Variants in ITPR2 observed in about 807,000 individuals in gnomAD.
ITPR2 encodes inositol 1,4,5-trisphosphate-gated calcium channel ITPR2.
In ITPR2, 207 loss-of-function variants were observed where a neutral mutation model predicts 317.1. The observed-to-expected ratio is 0.65, with a 90% CI of 0.58 to 0.73. ITPR2 has a LOEUF of 0.73. Among genes scored for constraint, ITPR2 ranks in the 30% least tolerant of loss-of-function variants. The pLI, the probability that ITPR2 is intolerant of heterozygous loss-of-function variation, is 0.00. For missense variants in ITPR2, 2,613 were observed against 3,284.0 expected (o/e 0.80, Z 4.99); for synonymous variants, 1,156 against 1,149.1 (o/e 1.01, Z -0.12).
intron 55 of ITPR2, among the ~76,000 whole-genome samples, chr12:26,352,124 G>T (rs1244193581): frequency 6.6e-6 from 1 of 152,240 alleles, no homozygotes; most frequent in Non-Finnish European, 1.5e-5. Flanking sequence ...TTCTGTGACA[G>T]AAGCTGAAAA....
At chr12:26,656,248 G>C in intron 19 of ITPR2, 49 bp downstream of exon 19, 1 of 1,601,066 alleles carries the variant, frequency 6.2e-7, no homozygotes, top group Non-Finnish European at 8.5e-7. Flanking sequence ...ATTTGACGTG[G>C]AGTTCATCTG....
chr12:26,687,638 C>A (rs1948154450), intron 10 of ITPR2, among the ~76,000 whole-genome samples: 1 of 152,144 alleles, frequency 6.6e-6, no homozygotes, highest in African/African-American at 2.4e-5. Flanking sequence ...TTGTTAATAT[C>A]ATTTTACTTG....
chr12:26,774,830 A>G (rs886468480), intron 2 of ITPR2, among the ~76,000 whole-genome samples: 2 of 152,198 alleles, frequency 1.3e-5, no homozygotes, highest in Non-Finnish European at 2.9e-5. Context: ...AAACAGCAGG[A>G]ACAGTGCAGA....
At chr12:26,445,864 T>C (rs546973904) in intron 45 of ITPR2, among the ~76,000 whole-genome samples, 31 of 152,274 alleles carry the variant, frequency 2.0e-4, no homozygotes, top group African/African-American at 7.2e-4. Context: ...GGTGGATTTT[T>C]TAAATACGGA....
intron 40 of ITPR2, 79 bp from the exon 41 acceptor site, chr12:26,486,439 C>A: frequency 2.7e-6 from 3 of 1,104,430 alleles, no homozygotes; most frequent in South Asian, 1.6e-5. Context: ...AACCAGGTAC[C>A]CAAATTCTCT....
At chr12:26,715,888 C>A in intron 6 of ITPR2, 53 bp from the exon 7 acceptor site, 1 of 1,252,364 alleles carries the variant, frequency 8.0e-7, no homozygotes, top group South Asian at 1.2e-5. Context: ...CATTCTCTAC[C>A]AGAAATTATT....
chr12:26,657,993 T>C lies in ITPR2; in HGVS notation c.2006+18A>G, dbSNP rs530297116. 1.9e-6 allele frequency: 3 copies of C among 1,605,014 alleles called. No individual in the cohort carries two copies. Among genetic ancestry groups the C allele is most frequent in the Non-Finnish European group, 2.6e-6 (3 of 1,175,344 alleles). On this transcript the variant is annotated intron_variant, in intron 17 of 56. Coordinates refer to ENST00000381340, the MANE Select transcript of ITPR2 (RefSeq NM_002223.4). ...AAATAATCAACAGGAAAATGATGCA[T>C]CCATTATCTGGGCTTACTTAGTTTG...
intron 39 of ITPR2, among the ~76,000 whole-genome samples, chr12:26,492,950 T>A (rs1942846113): frequency 6.7e-6 from 1 of 149,592 alleles, no homozygotes; most frequent in African/African-American, 2.5e-5. Context: ...TATAAAAGCA[T>A]CAGATTGTAC....
At chr12:26,560,683 T>C (rs1169156789) in intron 35 of ITPR2, among the ~76,000 whole-genome samples, 1 of 152,188 alleles carries the variant, frequency 6.6e-6, no homozygotes, top group East Asian at 1.9e-4. Context: ...TAGTCTCTTT[T>C]AGATAACCCT....
chr12:26,400,257 A>C lies in ITPR2; in HGVS notation c.7401T>G (p.Ala2467=), dbSNP rs376541857. Residue 2467 remains alanine (A), a splice_region_variant and synonymous_variant, in exon 53 of 57, where the codon GCT becomes GCG. Transcript: ENST00000381340. ...CAATTCCATCTTCATACTCTTCATC[A>C]GCTATAAAAACACATACAAATATAT... ...CSPTIPASNT[A]DEEYEDGIER... The C allele has an allele frequency of 4.3e-5, 66 of 1,532,654 alleles. No homozygotes were observed. The Middle Eastern group carries it at 1.4e-3, about 32-fold the overall frequency. 94.9% of individuals were successfully genotyped at this position (1,532,654 alleles called of 1,614,324 possible).
At chr12:26,526,471 G>A (rs2136950276) in intron 37 of ITPR2, among the ~76,000 whole-genome samples, 1 of 152,296 alleles carries the variant, frequency 6.6e-6, no homozygotes, top group South Asian at 2.1e-4. Context: ...TAAAATAAGG[G>A]AAAGAGGTTG....
At position 26,656,405 on chromosome 12, in the gene ITPR2, C is replaced by G; in HGVS notation, c.2336G>C (p.Cys779Ser). The change falls in exon 19 of 57, where the codon TGT (cysteine) becomes TCT (serine). Residue 779 changes from cysteine to serine, a missense_variant. By Grantham distance (112) the Cys-to-Ser change is moderately radical (BLOSUM62 -1). Transcript: ENST00000381340. ...SLPFDLRASF[C>S]RLMLHMHVDR... ...AACGTGCATGTGGAGCATGAGGCGACAGAAGGACGCTCGGAGGTCGAACGG... is the reference window on the plus strand; with the variant it reads ...AACGTGCATGTGGAGCATGAGGCGAGAGAAGGACGCTCGGAGGTCGAACGG... 1 of 1,614,190 alleles carries G rather than the reference C, an allele frequency of 6.2e-7. No homozygotes were observed. The highest frequency in any genetic ancestry group is 8.5e-7 in the Non-Finnish European group (1 of 1,180,040).
intron 52 of ITPR2, among the ~76,000 whole-genome samples, chr12:26,401,134 C>T (rs1185180686): frequency 1.3e-5 from 2 of 151,974 alleles, no homozygotes; most frequent in East Asian, 3.9e-4. Context: ...GAAGCTGAGG[C>T]AGGAGAATCA....
intron 55 of ITPR2, among the ~76,000 whole-genome samples, chr12:26,366,039 T>C (rs1938998376): frequency 6.6e-6 from 1 of 152,158 alleles, no homozygotes; most frequent in Admixed American, 6.5e-5. Context: ...CCTCTTCTGC[T>C]TGCTGACAGG....
At chr12:26,742,127 C>T (rs141284198) in intron 2 of ITPR2, among the ~76,000 whole-genome samples, 1 of 152,168 alleles carries the variant, frequency 6.6e-6, no homozygotes, top group Non-Finnish European at 1.5e-5. Context: ...AATGAGCCAG[C>T]AATTCCATGG....
At chr12:26,721,807 G>T (rs1164880305) in intron 5 of ITPR2, among the ~76,000 whole-genome samples, 2 of 151,946 alleles carry the variant, frequency 1.3e-5, no homozygotes, top group African/African-American at 4.8e-5. Flanking sequence ...TAGAAACAAG[G>T]TCTTGCTATG....
intron 21 of ITPR2, among the ~76,000 whole-genome samples, chr12:26,653,122 C>T (rs1003634912): frequency 6.6e-6 from 1 of 152,104 alleles, no homozygotes; most frequent in Non-Finnish European, 1.5e-5. Flanking sequence ...GATTTGAATA[C>T]AGATACTCTA....
chr12:26,758,474 G>C (rs151239377), intron 2 of ITPR2, among the ~76,000 whole-genome samples: 2 of 152,222 alleles, frequency 1.3e-5, no homozygotes, highest in East Asian at 3.9e-4. Context: ...CCATCTTAAC[G>C]CTAGCCTTTC....
chr12:26,410,993 G>A (rs550762716), intron 52 of ITPR2, among the ~76,000 whole-genome samples: 6 of 152,270 alleles, frequency 3.9e-5, no homozygotes, highest in Admixed American at 1.3e-4. Context: ...TACTCTTCCC[G>A]ATCCTGTGTG....
Sources: allele counts gnomAD v4.1 joint callset (sites outside exome capture counted in the v4.1 genomes callset), GRCh38; gene constraint gnomAD v4.1.1; transcripts MANE v1.5; gene names NCBI Gene and HGNC (gene_info 2026-07-23, HGNC 2026-07-21).